SYNE3: variants seen among roughly 807,000 people sequenced by gnomAD.
SYNE3 encodes nesprin-3.
In SYNE3, 100 loss-of-function variants were observed where a neutral mutation model predicts 111.2. That is an observed-to-expected ratio of 0.90 (90% CI 0.77 to 1.06). The LOEUF (loss-of-function observed/expected upper bound fraction) is 1.06. SYNE3 is among the 50% of genes least tolerant of loss of function. SYNE3 has a pLI of 0.00. For missense variants in SYNE3, 1,160 were observed against 1,240.3 expected, an observed-to-expected ratio of 0.94 and a Z score of 0.97; for synonymous variants, 547 against 533.9, an observed-to-expected ratio of 1.02 and a Z score of -0.34.
intron 9 of SYNE3, 131 bp downstream of exon 9, chr14:95,445,778 G>T: frequency 2.1e-6 from 2 of 961,972 alleles, no homozygotes; most frequent in East Asian, 2.5e-5. Flanking sequence ...CAGGGACAAA[G>T]GGATACACCC....
intron 1 of SYNE3, among the ~76,000 whole-genome samples, chr14:95,482,541 T>C (rs1889323458): frequency 6.6e-6 from 1 of 152,204 alleles, no homozygotes; most frequent in South Asian, 2.1e-4. Flanking sequence ...CCAATCTCGT[T>C]AGCGAACTCC....
chr14:95,492,270 T>C (rs1017571920), intron 1 of SYNE3, among the ~76,000 whole-genome samples: 5 of 152,236 alleles, frequency 3.3e-5, no homozygotes, highest in African/African-American at 1.2e-4. Context: ...ATTCTACTCT[T>C]ACATATATAC....
At chr14:95,514,642 G>A (rs1207821732) in intron 1 of SYNE3, among the ~76,000 whole-genome samples, 1 of 152,258 alleles carries the variant, frequency 6.6e-6, no homozygotes, top group Non-Finnish European at 1.5e-5. Flanking sequence ...CACGGGGAAG[G>A]ACGCTGAAGC....
intron 1 of SYNE3, among the ~76,000 whole-genome samples, chr14:95,501,871 G>T (rs1020908758): frequency 1.3e-5 from 2 of 152,194 alleles, no homozygotes; most frequent in African/African-American, 4.8e-5. Context: ...GCCTAGAGCA[G>T]GCAGGGGTTG....
intron 4 of SYNE3, among the ~76,000 whole-genome samples, chr14:95,464,838 G>A (rs1162861839): frequency 6.6e-6 from 1 of 152,212 alleles, no homozygotes; most frequent in Non-Finnish European, 1.5e-5. Flanking sequence ...TGCCTGACGT[G>A]GAACTTCAGC....
Position 95,439,649 on chromosome 14 carries a change from A to G in SYNE3, c.2209T>C (p.Trp737Arg). 1 of 1,613,422 alleles carries G rather than the reference A, an allele frequency of 6.2e-7. No individual in the cohort carries two copies. The highest frequency in any genetic ancestry group is 1.1e-5 in the South Asian group (1 of 91,058). The change falls in exon 13 of 18, where the codon TGG becomes CGG. Residue 737 changes from tryptophan to arginine, a missense_variant. Transcript: ENST00000682763. ...QEELRELAESWRALRLLEESL... is the reference protein window; with the variant it reads ...QEELRELAESRRALRLLEESL... The stretch of plus-strand genomic sequence containing the variant: ...TCTTCCAGCAGCCTCAAGGCCCGCC[A>G]CGACTCTGCCAGCTCCCTGAGCTCC...
rs757125407 is a variant in SYNE3, at chr14:95,439,038, G to A, written c.2371C>T (p.Arg791Ter). The A allele has an allele frequency of 1.1e-5, 17 of 1,614,144 alleles. No individual in the cohort carries two copies. Among genetic ancestry groups the A allele is most frequent in the East Asian group, 4.5e-5 (2 of 44,890 alleles). Reference protein sequence around the residue: ...NPMDPIPRHRRRANLLQEEEG... With the variant: ...NPMDPIPRHR ...GCCCTGCTAGACAGACTCACGCGTC[G>A]ACGATGCCTGGGAATAGGATCCATG... Residue 791 changes from arginine (R) to a stop codon, truncating the protein, a stop_gained, in exon 14 of 18, where the codon CGA (arginine) becomes TGA (stop). Coordinates refer to ENST00000682763, the MANE Select transcript of SYNE3 (RefSeq NM_152592.6). LOFTEE classifies it high-confidence loss of function.
chr14:95,469,496 A>C (rs1159212453), intron 2 of SYNE3, among the ~76,000 whole-genome samples: 1 of 149,176 alleles, frequency 6.7e-6, no homozygotes, highest in Non-Finnish European at 1.5e-5. Flanking sequence ...GGAGTTTGAG[A>C]CCAGCCTGGA....
Position 95,440,081 on chromosome 14 carries a change from G to T in SYNE3, c.1912-6C>A. The T allele has an allele frequency of 6.3e-7, 1 of 1,592,702 alleles. No homozygotes were observed. Among genetic ancestry groups the T allele is most frequent in the South Asian group, 1.1e-5 (1 of 90,320 alleles). On this transcript the variant is annotated splice_region_variant and splice_polypyrimidine_tract_variant and intron_variant, in intron 11 of 17. Coordinates refer to ENST00000682763, the MANE Select transcript of SYNE3 (RefSeq NM_152592.6). The stretch of plus-strand genomic sequence containing the variant: ...CGACACCTGTCCACAAGGTCCTGCA[G>T]CACAGCCCGGGGAGCCCAGGGCATC...
chr14:95,462,396 C>A (rs574483185), intron 4 of SYNE3, among the ~76,000 whole-genome samples: 1 of 152,208 alleles, frequency 6.6e-6, no homozygotes, highest in South Asian at 2.1e-4. Flanking sequence ...GCTGAGAAAG[C>A]CAAAACTGAA....
chr14:95,474,105 A>G (rs1336704882), intron 2 of SYNE3, among the ~76,000 whole-genome samples: 33 of 124,786 alleles, frequency 2.6e-4, no homozygotes, highest in African/African-American at 3.6e-4. Flanking sequence ...AGTGGCTGGA[A>G]CTAAGGCTGG....
chr14:95,463,616 T>C (rs1253907437), intron 4 of SYNE3, among the ~76,000 whole-genome samples: 2 of 152,212 alleles, frequency 1.3e-5, no homozygotes, highest in Non-Finnish European at 2.9e-5. Flanking sequence ...AGAATTGCCA[T>C]GAAGCCTGCC....
At position 95,413,053 on chromosome 14, in the gene SYNE3, C is replaced by T. The variant is rs1275769005; in HGVS notation, c.*4773G>A. 2 of 152,104 alleles carry T rather than the reference C, an allele frequency of 1.3e-5. No individual in the cohort carries two copies. Among genetic ancestry groups the T allele is most frequent in the African/African-American group, 4.8e-5 (2 of 41,402 alleles). The allele number at this position is 152,104 out of a possible 1,614,324, so 9.4% of individuals were successfully genotyped here. A position where few individuals can be genotyped will look rare whatever the true frequency, so the allele number is the denominator to read the frequency against. ...TTGTTCCCTCGTATTGTTTCACTTG[C>T]CTTTGGTCAGTGAAAGCTTTGCCAC... On this transcript the variant is annotated 3_prime_UTR_variant, in exon 18 of 18. Transcript: ENST00000682763.
intron 3 of SYNE3, among the ~76,000 whole-genome samples, chr14:95,466,840 C>A (rs978847829): frequency 6.6e-6 from 1 of 152,218 alleles, no homozygotes; most frequent in African/African-American, 2.4e-5. Flanking sequence ...TTCCCAGCAG[C>A]CTGCTTGTCT....
intron 1 of SYNE3, among the ~76,000 whole-genome samples, chr14:95,496,891 A>G (rs2139586313): frequency 6.6e-6 from 1 of 152,324 alleles, no homozygotes; most frequent in East Asian, 1.9e-4. Flanking sequence ...GGGCTCAACT[A>G]TCCACTCTCG....
At position 95,444,465 on chromosome 14, in the gene SYNE3, A is replaced by G. The variant is rs1290053981; in HGVS notation, c.1776+20T>C. 4 of 1,592,152 alleles carry G rather than the reference A, an allele frequency of 2.5e-6. No individual in the cohort carries two copies. The highest frequency in any genetic ancestry group is 3.4e-6 in the Non-Finnish European group (4 of 1,166,610). Reference sequence around the variant, plus strand: ...CTGAGCACCTGGGCAGGAGTGATTCAGGCCTCACAGACCCCTCACCTGCAA... The same window carrying G: ...CTGAGCACCTGGGCAGGAGTGATTCGGGCCTCACAGACCCCTCACCTGCAA... On this transcript the variant is annotated intron_variant, in intron 10 of 17. Coordinates refer to ENST00000682763, the MANE Select transcript of SYNE3 (RefSeq NM_152592.6).
At position 95,408,844 on chromosome 14, in the gene SYNE3, G is replaced by A. The variant is rs1209375981; in HGVS notation, c.*8982C>T. 9.4e-6 allele frequency: 3 copies of A among 319,308 alleles called. No homozygotes were observed. Among genetic ancestry groups the A allele is most frequent in the Non-Finnish European group, 1.9e-5 (3 of 161,880 alleles). 19.8% of individuals were successfully genotyped at this position (319,308 alleles called of 1,614,324 possible). On this transcript the variant is annotated 3_prime_UTR_variant, in exon 18 of 18. Transcript: ENST00000682763. ...TGGAACTGCTCAGCAGGCAGAGACC[G>A]CGCAAAGCCAACTCTGTCCTCTGCC...
At chr14:95,430,799 G>A (rs901991805) in intron 17 of SYNE3, among the ~76,000 whole-genome samples, 1 of 149,316 alleles carries the variant, frequency 6.7e-6, no homozygotes, top group African/African-American at 2.5e-5. Context: ...ACTCCAGCCT[G>A]TGTGACAGGA....
intron 14 of SYNE3, 137 bp downstream of exon 14, chr14:95,438,896 A>G (rs1267423515): frequency 8.0e-7 from 1 of 1,242,930 alleles, no homozygotes; most frequent in African/African-American, 1.5e-5. Flanking sequence ...GGCAGGCTCA[A>G]ATGAGACAGG....
Sources: allele counts gnomAD v4.1 joint callset (sites outside exome capture counted in the v4.1 genomes callset), GRCh38; gene constraint gnomAD v4.1.1; transcripts MANE v1.5; gene names NCBI Gene and HGNC (gene_info 2026-07-23, HGNC 2026-07-21).